The following ELL variants were observed in gnomAD, a reference collection of about 807,000 sequenced individuals.
ELL encodes RNA polymerase II elongation factor ELL.
In ELL, 18 loss-of-function variants were observed where a neutral mutation model predicts 64.0. The ratio of observed to expected loss-of-function variants is 0.28; its 90% CI spans 0.19 to 0.42. The LOEUF (loss-of-function observed/expected upper bound fraction) is 0.42. Ranked by LOEUF, ELL falls within the 10% of genes least tolerant of loss-of-function variation. The pLI is 1.00. For synonymous variants in ELL, 399 were observed against 376.2 expected (o/e 1.06, Z -0.70); for missense variants, 797 against 870.4 (o/e 0.92, Z 1.06).
chr19:18,502,121 C>A (rs1172334536), intron 1 of ELL, among the ~76,000 whole-genome samples: 1 of 152,152 alleles, frequency 6.6e-6, no homozygotes, highest in Non-Finnish European at 1.5e-5. Context: ...CTACGCTAAG[C>A]TGCCTGGTGC....
intron 1 of ELL, among the ~76,000 whole-genome samples, chr19:18,498,295 A>C (rs983353645): frequency 1.3e-5 from 2 of 152,114 alleles, no homozygotes; most frequent in Non-Finnish European, 2.9e-5. Context: ...GCCAGAGCCA[A>C]CCCGGATCAC....
intron 1 of ELL, among the ~76,000 whole-genome samples, chr19:18,518,079 G>C (rs144709441): frequency 6.5e-4 from 99 of 151,966 alleles, no homozygotes; most frequent in African/African-American, 2.3e-3. Context: ...AATTTGTAGG[G>C]CATGGTGGTG....
intron 1 of ELL, among the ~76,000 whole-genome samples, chr19:18,481,521 C>G (rs562815709): frequency 1.8e-4 from 27 of 152,320 alleles, no homozygotes; most frequent in African/African-American, 6.5e-4. Flanking sequence ...TACGAGGACA[C>G]TTGTGATGAC....
chr19:18,502,745 G>T (rs1269253287), intron 1 of ELL, among the ~76,000 whole-genome samples: 1 of 152,210 alleles, frequency 6.6e-6, no homozygotes, highest in Non-Finnish European at 1.5e-5. Flanking sequence ...TGGGAACACG[G>T]GGTGGCAGCA....
intron 1 of ELL, among the ~76,000 whole-genome samples, chr19:18,498,221 G>T (rs1339272116): frequency 2.6e-5 from 4 of 152,148 alleles, no homozygotes; most frequent in Non-Finnish European, 5.9e-5. Flanking sequence ...GGAGGCTGCA[G>T]GTGCGGGGAG....
intron 6 of ELL, among the ~76,000 whole-genome samples, chr19:18,452,213 T>A (rs1974555121): frequency 6.6e-6 from 1 of 152,170 alleles, no homozygotes; most frequent in Non-Finnish European, 1.5e-5. Context: ...ACCCTGCAGC[T>A]TATGGGTATC....
intron 1 of ELL, among the ~76,000 whole-genome samples, chr19:18,486,424 C>T (rs1376669170): frequency 6.6e-6 from 1 of 152,078 alleles, no homozygotes; most frequent in Non-Finnish European, 1.5e-5. Flanking sequence ...TGGATGTGAC[C>T]CAGGTCAGAA....
intron 1 of ELL, among the ~76,000 whole-genome samples, chr19:18,498,748 G>A (rs898607601): frequency 3.9e-5 from 6 of 152,134 alleles, no homozygotes; most frequent in Non-Finnish European, 5.9e-5. Context: ...TCAGGAGTTC[G>A]AGACCAGCCT....
chr19:18,484,829 A>G (rs986360215), intron 1 of ELL, among the ~76,000 whole-genome samples: 1 of 152,210 alleles, frequency 6.6e-6, no homozygotes, highest in African/African-American at 2.4e-5. Context: ...TTTGAACGGA[A>G]GGCCTTCGAG....
chr19:18,463,469 G>A (rs1974871952), intron 4 of ELL, among the ~76,000 whole-genome samples: 2 of 151,624 alleles, frequency 1.3e-5, no homozygotes, highest in South Asian at 4.2e-4. Context: ...CGAGTAGCTG[G>A]GACTCCAGGC....
At chr19:18,462,087 C>T (rs879229602) in intron 4 of ELL, among the ~76,000 whole-genome samples, 3 of 152,042 alleles carry the variant, frequency 2.0e-5, no homozygotes, top group Non-Finnish European at 2.9e-5. Flanking sequence ...GAGGTGCAGG[C>T]GGCAGAACTG....
At chr19:18,496,595 GC>G (rs1975659293) in intron 1 of ELL, among the ~76,000 whole-genome samples, 1 of 152,164 alleles carries the variant, frequency 6.6e-6, no homozygotes, top group Admixed American at 6.5e-5. Context: ...TGGGTTGGAG[GC>G]GTGGAGTAGG....
intron 1 of ELL, among the ~76,000 whole-genome samples, chr19:18,484,581 A>C (rs1014894796): frequency 2.0e-5 from 3 of 152,230 alleles, no homozygotes; most frequent in Non-Finnish European, 4.4e-5. Flanking sequence ...TCGAGGCTGC[A>C]GTGAGCCATG....
intron 1 of ELL, among the ~76,000 whole-genome samples, chr19:18,479,407 G>C (rs1460504697): frequency 1.3e-5 from 2 of 152,168 alleles, no homozygotes; most frequent in Non-Finnish European, 2.9e-5. Flanking sequence ...TACGGGTGAA[G>C]AAGAACGTAT....
intron 6 of ELL, 126 bp downstream of exon 6, chr19:18,458,071 ACTTGGACC>A: frequency 6.7e-7 from 1 of 1,485,592 alleles, no homozygotes; most frequent in Non-Finnish European, 9.0e-7. Context: ...AGAGAGGCCT[ACTTGGACC>A]CTTCCATCCT....
intron 1 of ELL, among the ~76,000 whole-genome samples, chr19:18,485,976 A>G (rs1181474058): frequency 5.3e-5 from 8 of 150,904 alleles, no homozygotes; most frequent in Non-Finnish European, 8.9e-5. Context: ...ACAGAGCGAG[A>G]CTCTGTCTCA....
intron 2 of ELL, among the ~76,000 whole-genome samples, chr19:18,472,074 T>C (rs1402301816): frequency 6.6e-6 from 1 of 152,086 alleles, no homozygotes; most frequent in Non-Finnish European, 1.5e-5. Flanking sequence ...GCAATTCTCC[T>C]GCCTCAGCCT....
intron 11 of ELL, 84 bp downstream of exon 11, chr19:18,445,140 G>T: frequency 6.4e-7 from 1 of 1,564,502 alleles, no homozygotes. Flanking sequence ...GAAGTAGCGG[G>T]CAGGGAGGCT....
rs1974359044 is a variant in ELL at position 18,444,204 on chromosome 19, A to T, written c.*548T>A. The T allele has an allele frequency of 4.3e-6, 1 of 231,884 alleles. No homozygotes were observed. Among genetic ancestry groups the T allele is most frequent in the African/African-American group, 2.2e-5 (1 of 45,252 alleles). 14.4% of individuals were successfully genotyped at this position (231,884 alleles called of 1,614,324 possible). A position where few individuals can be genotyped will look rare whatever the true frequency, so the allele number is the denominator to read the frequency against. On this transcript the variant is annotated 3_prime_UTR_variant, in exon 12 of 12. Coordinates refer to ENST00000262809, the MANE Select transcript of ELL (RefSeq NM_006532.4). ...GAAAGGGGTGCCTAAACGTAGAGCC[A>T]GAGACCAGCAGAGGCCACCTGCCCA...
Sources: allele counts gnomAD v4.1 joint callset (sites outside exome capture counted in the v4.1 genomes callset), GRCh38; gene constraint gnomAD v4.1.1; transcripts MANE v1.5; gene names NCBI Gene and HGNC (gene_info 2026-07-23, HGNC 2026-07-21).